The following GRM8 variants were observed in gnomAD, a reference collection of about 807,000 sequenced individuals.
GRM8 encodes glutamate metabotropic receptor 8.
A neutral mutation model predicts 87.2 loss-of-function variants in GRM8; 47 were observed. The ratio of observed to expected loss-of-function variants is 0.54; its 90% CI spans 0.43 to 0.69. The LOEUF is 0.69. GRM8 is among the 30% of genes least tolerant of loss of function. The pLI is 0.00. For missense variants in GRM8, 1,019 were observed against 1,139.2 expected (o/e 0.89, Z 1.52); for synonymous variants, 396 against 404.5 (o/e 0.98, Z 0.25).
At chr7:126,772,688 C>T (rs764840614) in intron 6 of GRM8, among the ~76,000 whole-genome samples, 97 of 152,002 alleles carry the variant, frequency 6.4e-4, no homozygotes, top group Non-Finnish European at 1.3e-3. Flanking sequence ...ATGCACACCC[C>T]GAAGAAAATC....
chr7:126,934,058 T>A (rs1177658754), intron 3 of GRM8, among the ~76,000 whole-genome samples: 2 of 152,192 alleles, frequency 1.3e-5, no homozygotes, highest in Non-Finnish European at 2.9e-5. Flanking sequence ...ATGATGTTGA[T>A]ACTTAAACTT....
At position 127,135,789 on chromosome 7, in the gene GRM8, T is replaced by C. The variant is rs570466861; in HGVS notation, c.511-29077A>G. Among the ~76,000 whole-genome samples the C allele has an allele frequency of 5.3e-5, 8 of 152,290 alleles. No homozygotes were observed. In the South Asian group the frequency reaches 1.7e-3, roughly 32 times the overall value. ...AAATATGATAAGATAGGTCATTTTC[T>C]CCATTTGGTTTGCTCCAAGGAGGTT... On this transcript the variant is annotated intron_variant, in intron 2 of 10. Coordinates refer to ENST00000339582, the MANE Select transcript of GRM8 (RefSeq NM_000845.3).
intron 3 of GRM8, among the ~76,000 whole-genome samples, chr7:126,934,255 G>A (rs1806057726): frequency 6.6e-6 from 1 of 152,078 alleles, no homozygotes; most frequent in Non-Finnish European, 1.5e-5. Flanking sequence ...CTTATCAACT[G>A]AGAGTCTTTC....
intron 2 of GRM8, among the ~76,000 whole-genome samples, chr7:127,171,182 T>G (rs1174053355): frequency 1.3e-5 from 2 of 152,194 alleles, no homozygotes; most frequent in African/African-American, 4.8e-5. Context: ...TAAGTATGAC[T>G]GAATTGCTGC....
At chr7:126,614,205 C>T (rs188555069) in intron 7 of GRM8, among the ~76,000 whole-genome samples, 251 of 152,262 alleles carry the variant, frequency 1.6e-3, no homozygotes, top group Non-Finnish European at 2.5e-3. Context: ...CAGGCAGCAT[C>T]GTTTGCTGTT....
rs997851967 is a variant in GRM8, at chr7:126,566,782, T to C, written c.1495-32895A>G. Among the ~76,000 whole-genome samples the C allele has an allele frequency of 2.0e-5, 3 of 152,300 alleles. No homozygotes were observed. The East Asian group carries it at 5.8e-4, about 29-fold the overall frequency. The stretch of plus-strand genomic sequence containing the variant: ...AGTCAAGATGTGGAAACAATCTAAA[T>C]GTTTATTGGCAGATGAACGGAAAAG... On this transcript the variant is annotated intron_variant, in intron 8 of 10. Coordinates refer to ENST00000339582, the MANE Select transcript of GRM8 (RefSeq NM_000845.3).
At position 126,884,062 on chromosome 7, in the gene GRM8, A is replaced by G. The variant is rs537861431; in HGVS notation, c.1156+18480T>C. 2.6e-5 allele frequency among the ~76,000 whole-genome samples: 4 copies of G among 152,278 alleles called. No homozygotes were observed. In the East Asian group the frequency reaches 7.7e-4, roughly 29 times the overall value. Reference sequence around the variant, plus strand: ...ATAAGGCCCTACAAATACTAAAATTAGCTGTGATTTTTTTCTATTAGTTCC... The same window carrying G: ...ATAAGGCCCTACAAATACTAAAATTGGCTGTGATTTTTTTCTATTAGTTCC... On this transcript the variant is annotated intron_variant, in intron 6 of 10. Coordinates refer to ENST00000339582, the MANE Select transcript of GRM8 (RefSeq NM_000845.3).
intron 9 of GRM8, among the ~76,000 whole-genome samples, chr7:126,499,325 T>A (rs1278328069): frequency 6.6e-6 from 1 of 151,752 alleles, no homozygotes; most frequent in African/African-American, 2.4e-5. Context: ...TTGGCAAGGA[T>A]GTGTAGAAAA....
At chr7:127,147,348 C>G (rs1236432457) in intron 2 of GRM8, among the ~76,000 whole-genome samples, 1 of 152,054 alleles carries the variant, frequency 6.6e-6, no homozygotes, top group East Asian at 1.9e-4. Flanking sequence ...CTCTGACAGG[C>G]CCCACTGATA....
At chr7:126,493,371 T>C (rs550984667) in intron 9 of GRM8, among the ~76,000 whole-genome samples, 1 of 152,118 alleles carries the variant, frequency 6.6e-6, no homozygotes, top group South Asian at 2.1e-4. Flanking sequence ...CAGAGGACAG[T>C]GACCATGAGG....
At chr7:126,929,492 G>A (rs76594323) in intron 3 of GRM8, among the ~76,000 whole-genome samples, 3,679 of 152,170 alleles carry the variant, frequency 0.024, 144 homozygotes, top group African/African-American at 0.083. Flanking sequence ...GCAGTGCAGT[G>A]GCGCGACCCC....
At chr7:126,770,188 T>C (rs550423945) in intron 6 of GRM8, 123 bp from the exon 7 acceptor site, 1 of 660,014 alleles carries the variant, frequency 1.5e-6, no homozygotes, top group South Asian at 1.9e-5. Flanking sequence ...ATTTCACTTC[T>C]GATTAATTCT....
At chr7:127,003,301 A>C (rs542461685) in intron 3 of GRM8, among the ~76,000 whole-genome samples, 2 of 151,886 alleles carry the variant, frequency 1.3e-5, no homozygotes, top group Non-Finnish European at 3.0e-5. Flanking sequence ...GCAACATCTT[A>C]GGAAAACATC....
At chr7:126,948,906 A>G (rs1807840030) in intron 3 of GRM8, among the ~76,000 whole-genome samples, 1 of 152,222 alleles carries the variant, frequency 6.6e-6, no homozygotes, top group Non-Finnish European at 1.5e-5. Flanking sequence ...TCAACCACAG[A>G]TGAGTGTGGT....
chr7:126,736,117 T>C (rs1391140660), intron 7 of GRM8, among the ~76,000 whole-genome samples: 1 of 152,048 alleles, frequency 6.6e-6, no homozygotes, highest in Non-Finnish European at 1.5e-5. Context: ...CTCTAGTTAG[T>C]ATGGGCAACA....
chr7:127,241,110 CTTAT>C (rs1798266051), intron 2 of GRM8, among the ~76,000 whole-genome samples: 1 of 152,222 alleles, frequency 6.6e-6, no homozygotes, highest in Non-Finnish European at 1.5e-5. Flanking sequence ...TAGCATCCTC[CTTAT>C]TTGAGAAAAT....
rs572525682 is a variant in GRM8 at position 126,516,296 on chromosome 7, A to T, written c.2430+16656T>A. Among the ~76,000 whole-genome samples the T allele has an allele frequency of 2.0e-5, 3 of 151,878 alleles. No homozygotes were observed. In the South Asian group the frequency reaches 6.2e-4, roughly 32 times the overall value. On this transcript the variant is annotated intron_variant, in intron 9 of 10. Transcript: ENST00000339582. ...ATCTGAAATTAAAATTTAACATAAC[A>T]TCTGCATTTCTATTTAATAAGTCTA...
intron 3 of GRM8, among the ~76,000 whole-genome samples, chr7:127,026,448 A>T (rs2132261222): frequency 6.6e-6 from 1 of 152,270 alleles, no homozygotes; most frequent in East Asian, 1.9e-4. Context: ...TGGTTGAACT[A>T]ATTTACACTC....
intron 2 of GRM8, among the ~76,000 whole-genome samples, chr7:127,122,833 G>T (rs1274524357): frequency 6.6e-6 from 1 of 152,098 alleles, no homozygotes; most frequent in Non-Finnish European, 1.5e-5. Context: ...GTCACCAAAA[G>T]ACTTTTTGGG....
Sources: allele counts gnomAD v4.1 joint callset (sites outside exome capture counted in the v4.1 genomes callset), GRCh38; gene constraint gnomAD v4.1.1; transcripts MANE v1.5; gene names NCBI Gene and HGNC (gene_info 2026-07-23, HGNC 2026-07-21).